Variants in TBCA observed in about 807,000 individuals in gnomAD.
TBCA encodes tubulin folding cofactor A.
A neutral mutation model predicts 15.8 loss-of-function variants in TBCA; 6 were observed. The observed-to-expected ratio is 0.38, with a 90% CI of 0.21 to 0.75. TBCA has a LOEUF of 0.75. Ranked by LOEUF, TBCA falls within the 30% of genes least tolerant of loss-of-function variation. TBCA has a pLI of 0.46. For synonymous variants in TBCA, 32 were observed against 42.3 expected (o/e 0.76, Z 0.94); for missense variants, 90 against 131.2 (o/e 0.69, Z 1.53).
At position 77,743,899 on chromosome 5, in the gene TBCA, C is replaced by T. The variant is rs374650413; in HGVS notation, c.53+32306G>A. ...GTAAATAAGACAGATGTGGTCTCTG[C>T]CCTCAAAGAACTTACACTCTAGTGG... is the stretch of plus-strand genomic sequence containing the variant. On this transcript the variant is annotated intron_variant, in intron 1 of 3. Coordinates refer to ENST00000380377, the MANE Select transcript of TBCA (RefSeq NM_004607.3). Among the ~76,000 whole-genome samples the T allele has an allele frequency of 1.4e-4, 21 of 152,226 alleles. No homozygotes were observed. The East Asian group carries it at 1.9e-3, about 14-fold the overall frequency.
intron 1 of TBCA, among the ~76,000 whole-genome samples, chr5:77,738,721 T>C (rs1746966803): frequency 6.6e-6 from 1 of 152,184 alleles, no homozygotes; most frequent in Non-Finnish European, 1.5e-5. Context: ...TAGCTGGGAT[T>C]ACAGGCATCT....
At chr5:77,692,293 T>A in intron 3 of TBCA, 1 of 985,420 alleles carries the variant, frequency 1.0e-6, no homozygotes, top group South Asian at 4.7e-5. Context: ...AGAATTTGCT[T>A]AGCTCAAACT....
At chr5:77,705,078 G>C (rs952355776) in intron 2 of TBCA, among the ~76,000 whole-genome samples, 1 of 152,132 alleles carries the variant, frequency 6.6e-6, no homozygotes, top group Non-Finnish European at 1.5e-5. Flanking sequence ...GAATTCAGTA[G>C]TTAATCTTTA....
At chr5:77,733,373 C>G (rs1746819474) in intron 1 of TBCA, among the ~76,000 whole-genome samples, 1 of 152,226 alleles carries the variant, frequency 6.6e-6, no homozygotes, top group African/African-American at 2.4e-5. Context: ...TTGTGCCAAA[C>G]AGTTAACCAA....
At chr5:77,694,421 A>G (rs1262735487) in intron 2 of TBCA, 1 of 152,220 alleles carries the variant, frequency 6.6e-6, no homozygotes, top group Non-Finnish European at 1.5e-5. Flanking sequence ...CGTAAAGTCC[A>G]TCATTCAAAA....
At chr5:77,752,800 C>T (rs1747380801) in intron 1 of TBCA, among the ~76,000 whole-genome samples, 1 of 48,416 alleles carries the variant, frequency 2.1e-5, no homozygotes, top group African/African-American at 6.5e-5. Flanking sequence ...CCTCATGATC[C>T]ACCCGCCTCG....
intron 1 of TBCA, among the ~76,000 whole-genome samples, chr5:77,764,991 T>G (rs962948550): frequency 6.6e-6 from 1 of 152,034 alleles, no homozygotes; most frequent in Admixed American, 6.5e-5. Context: ...TAGAAAAATT[T>G]TAAATATATT....
rs776720950 is a variant in TBCA at position 77,693,239 on chromosome 5, A to T, written c.246+27T>A. On this transcript the variant is annotated intron_variant, in intron 3 of 3. Transcript: ENST00000380377. ...TGTATTGGATTGAAAAAAAAAATTT[A>T]AACATGACACAGAAGTCTTTGCTTA... 5 of 1,611,108 alleles carry T rather than the reference A, an allele frequency of 3.1e-6. No individual in the cohort carries two copies. The South Asian group carries it at 4.4e-5, about 14-fold the overall frequency.
At chr5:77,741,521 C>A (rs254423) in intron 1 of TBCA, among the ~76,000 whole-genome samples, 22,383 of 151,712 alleles carry the variant, frequency 0.15, 2,165 homozygotes, top group East Asian at 0.35. Flanking sequence ...CTACCATTAA[C>A]CATGGAAGAC....
chr5:77,742,607 T>C (rs1470996062), intron 1 of TBCA, among the ~76,000 whole-genome samples: 1 of 152,196 alleles, frequency 6.6e-6, no homozygotes, highest in East Asian at 1.9e-4. Context: ...GTAATGACAT[T>C]TGAGAACTTA....
intron 1 of TBCA, among the ~76,000 whole-genome samples, chr5:77,713,705 TATG>T (rs1476898685): frequency 6.6e-6 from 1 of 152,194 alleles, no homozygotes. Flanking sequence ...TTCAGCCTAC[TATG>T]ATTTTTTATT....
intron 3 of TBCA, chr5:77,692,225 C>G (rs894708317): frequency 1.0e-6 from 1 of 984,998 alleles, no homozygotes; most frequent in Admixed American, 6.2e-5. Context: ...GATATACAAA[C>G]AGTAGAGGAA....
At chr5:77,694,399 G>A (rs1491000347) in intron 2 of TBCA, 1 of 152,014 alleles carries the variant, frequency 6.6e-6, no homozygotes, top group East Asian at 1.9e-4. Context: ...TATTCTAGAG[G>A]ATATTTCTGG....
At chr5:77,739,092 A>G (rs1580119759) in intron 1 of TBCA, among the ~76,000 whole-genome samples, 1 of 152,248 alleles carries the variant, frequency 6.6e-6, no homozygotes, top group South Asian at 2.1e-4. Flanking sequence ...TCAGTTTTAT[A>G]TATGTATATG....
At chr5:77,775,369 A>G (rs1747996841) in intron 1 of TBCA, among the ~76,000 whole-genome samples, 1 of 152,164 alleles carries the variant, frequency 6.6e-6, no homozygotes, top group African/African-American at 2.4e-5. Flanking sequence ...CCAACCTTCT[A>G]GTTGTCCTGC....
In TBCA at chr5:77,708,237, T is replaced by G. The variant is rs779868993; in HGVS notation, c.159+5A>C. ...TAGCTATTGTTATTTATGATATAAT[T>G]TTACCTGCTTTTTAATGTCATAATT... On this transcript the variant is annotated splice_donor_5th_base_variant and intron_variant, in intron 2 of 3. Coordinates refer to ENST00000380377, the MANE Select transcript of TBCA (RefSeq NM_004607.3). 5 of 1,585,262 alleles carry G rather than the reference T, an allele frequency of 3.2e-6. No homozygotes were observed. The Admixed American group carries it at 6.8e-5, about 21-fold the overall frequency.
At chr5:77,720,575 G>A (rs1450889237) in intron 1 of TBCA, among the ~76,000 whole-genome samples, 6 of 152,044 alleles carry the variant, frequency 3.9e-5, no homozygotes, top group Admixed American at 2.0e-4. Flanking sequence ...TTAGCCAGGC[G>A]TGGTGGCGGG....
At chr5:77,748,485 C>CTT (rs35974461) in intron 1 of TBCA, among the ~76,000 whole-genome samples, 91,540 of 148,300 alleles carry the variant, frequency 0.62, 27,971 homozygotes, top group African/African-American at 0.64. Flanking sequence ...TTTAGTTTTG[C>CTT]TTTTTTTTTT....
chr5:77,734,072 C>T (rs1746839267), intron 1 of TBCA, among the ~76,000 whole-genome samples: 2 of 152,106 alleles, frequency 1.3e-5, no homozygotes, highest in African/African-American at 4.8e-5. Flanking sequence ...ATATTTTAAG[C>T]TCACTGTTGA....
Sources: gnomAD v4.1 joint callset for allele counts (sites outside exome capture counted in the v4.1 genomes callset) on GRCh38, gnomAD v4.1.1 for gene constraint, MANE v1.5 for transcripts, NCBI Gene and HGNC (gene_info 2026-07-23, HGNC 2026-07-21) for gene names.